The following ANO2 variants were observed in gnomAD, a reference collection of about 807,000 sequenced individuals.
ANO2 encodes anoctamin-2.
ANO2 carries 101 observed loss-of-function variants against 124.2 expected under a neutral mutation model. The ratio of observed to expected loss-of-function variants is 0.81; its 90% confidence interval spans 0.69 to 0.96. ANO2 has a LOEUF of 0.96. ANO2 is among the 40% of genes least tolerant of loss of function. ANO2 has a pLI of 0.00. For missense variants in ANO2, 1,293 were observed against 1,274.5 expected (o/e 1.01, Z -0.22); for synonymous variants, 486 against 482.5 (o/e 1.01, Z -0.09).
chr12:5,920,491 C>A (rs2136301834), intron 3 of ANO2, among the ~76,000 whole-genome samples: 1 of 152,286 alleles, frequency 6.6e-6, no homozygotes, highest in African/African-American at 2.4e-5. Context: ...CACACCACCA[C>A]CCCACCACTA....
At chr12:5,674,054 C>A (rs1432136333) in intron 14 of ANO2, among the ~76,000 whole-genome samples, 1 of 152,184 alleles carries the variant, frequency 6.6e-6, no homozygotes, top group Non-Finnish European at 1.5e-5. Context: ...AGTTCCTCTG[C>A]TCTAACATCA....
At chr12:5,884,639 G>C (rs745775475) in intron 3 of ANO2, among the ~76,000 whole-genome samples, 1 of 152,242 alleles carries the variant, frequency 6.6e-6, no homozygotes, top group African/African-American at 2.4e-5. Context: ...GCCTTGGGAA[G>C]ATGGTTCCAC....
chr12:5,750,797 C>A (rs1392707635), intron 11 of ANO2, 39 bp downstream of exon 11: 1 of 1,593,576 alleles, frequency 6.3e-7, no homozygotes, highest in Admixed American at 1.8e-5. Context: ...AAATTATTAA[C>A]ATATGGCAAC....
chr12:5,855,526 C>A (rs893572231), intron 3 of ANO2, among the ~76,000 whole-genome samples: 1 of 152,162 alleles, frequency 6.6e-6, no homozygotes, highest in African/African-American at 2.4e-5. Flanking sequence ...GAATAAACCA[C>A]GATTTCAAAA....
At chr12:5,703,828 T>C (rs1949498057) in intron 14 of ANO2, among the ~76,000 whole-genome samples, 1 of 152,220 alleles carries the variant, frequency 6.6e-6, no homozygotes, top group African/African-American at 2.4e-5. Context: ...ATTACAGGTG[T>C]GAGCCACCGT....
chr12:5,635,272 T>C lies in ANO2; in HGVS notation c.1696A>G (p.Lys566Glu). The change falls in exon 16 of 25, where the codon AAG (lysine) becomes GAG (glutamate). Residue 566 changes from lysine to glutamate, a missense_variant. By Grantham distance (56) the Lys-to-Glu change is moderately conservative. Coordinates refer to ENST00000682330, the MANE Select transcript of ANO2 (RefSeq NM_001364791.2). The surrounding 1 kb of genome is among the most constrained non-coding windows in gnomAD (Gnocchi z 5.2). The stretch of plus-strand genomic sequence containing the variant: ...ACCCGGACATTGGAGCGTGTAGCCT[T>C]ATTGAGAGACAGAGCGGCTGCAGTT... ...ITTAAALSLN[K>E]ATRSNVRVTV... is the part of the protein sequence containing the mutation. The C allele has an allele frequency of 6.2e-7, 1 of 1,611,918 alleles. No individual in the cohort carries two copies. The highest frequency in any genetic ancestry group is 1.1e-5 in the South Asian group (1 of 90,704).
At chr12:5,892,969 T>C (rs1205798126) in intron 3 of ANO2, among the ~76,000 whole-genome samples, 1 of 152,126 alleles carries the variant, frequency 6.6e-6, no homozygotes, top group African/African-American at 2.4e-5. Flanking sequence ...CTATAATACA[T>C]AAGACAAATA....
intron 1 of ANO2, among the ~76,000 whole-genome samples, chr12:5,941,972 G>C (rs1199687028): frequency 6.6e-6 from 1 of 152,202 alleles, no homozygotes; most frequent in Non-Finnish European, 1.5e-5. Flanking sequence ...CACAAGTTGA[G>C]AGAATGTCAC....
chr12:5,804,976 G>A (rs1300202609), intron 9 of ANO2, among the ~76,000 whole-genome samples: 1 of 152,126 alleles, frequency 6.6e-6, no homozygotes, highest in Non-Finnish European at 1.5e-5. Context: ...GAGGTGAGAT[G>A]TGGTGAGACA....
intron 23 of ANO2, among the ~76,000 whole-genome samples, chr12:5,568,694 C>T (rs1316097413): frequency 6.6e-6 from 1 of 152,128 alleles, no homozygotes; most frequent in Non-Finnish European, 1.5e-5. Flanking sequence ...GGCTAATCAA[C>T]CGAATAATTT....
intron 23 of ANO2, 90 bp from the exon 24 acceptor site, chr12:5,565,753 G>A: frequency 9.4e-7 from 1 of 1,059,880 alleles, no homozygotes; most frequent in Non-Finnish European, 1.4e-6. Context: ...GCTGGCTGGA[G>A]CATCAGGCAC....
intron 19 of ANO2, among the ~76,000 whole-genome samples, chr12:5,603,944 CA>C (rs63415160): frequency 4.7e-4 from 35 of 74,144 alleles, no homozygotes; most frequent in African/African-American, 1.4e-3. Context: ...GATTCCGTCT[CA>C]AAAAAAAAAA....
intron 3 of ANO2, among the ~76,000 whole-genome samples, chr12:5,861,942 C>T (rs764147196): frequency 1.4e-4 from 22 of 152,132 alleles, no homozygotes; most frequent in Non-Finnish European, 2.5e-4. Context: ...GAAATAAGAG[C>T]AGGAATTCAT....
chr12:5,651,968 T>C (rs1281819292), intron 14 of ANO2, among the ~76,000 whole-genome samples: 1 of 152,264 alleles, frequency 6.6e-6, no homozygotes, highest in Middle Eastern at 3.2e-3. Context: ...ACTGTGTGGA[T>C]GTACCACAGT....
intron 10 of ANO2, among the ~76,000 whole-genome samples, chr12:5,772,745 T>C (rs1385028606): frequency 6.6e-6 from 1 of 152,252 alleles, no homozygotes; most frequent in Non-Finnish European, 1.5e-5. Flanking sequence ...TAAAAGACTG[T>C]ATGCAAGTGA....
rs368275634 is a variant in ANO2 at position 5,816,672 on chromosome 12, G to A, written c.893-9304C>T. Among the ~76,000 whole-genome samples the A allele has an allele frequency of 2.0e-4, 31 of 152,236 alleles. 1 individual carries two copies. In the East Asian group the frequency reaches 2.5e-3, roughly 12 times the overall value. ...ATCCTCTTTGTGCCCATCTGTAATT[G>A]GAGATGATCACTCCTGACATACGTA... is the stretch of plus-strand genomic sequence containing the variant. On this transcript the variant is annotated intron_variant, in intron 7 of 24. Transcript: ENST00000682330.
intron 3 of ANO2, among the ~76,000 whole-genome samples, chr12:5,869,995 A>G (rs1171318572): frequency 1.3e-5 from 2 of 152,190 alleles, no homozygotes; most frequent in African/African-American, 4.8e-5. Flanking sequence ...TCCCCACACC[A>G]TCAGCCCAAG....
rs116874789 is a variant in ANO2, at chr12:5,925,234, T to C, written c.23-2430A>G. On this transcript the variant is annotated intron_variant, in intron 1 of 24. Transcript: ENST00000682330. The surrounding 1 kb of genome is among the most constrained non-coding windows in gnomAD (Gnocchi z 4.6). ...ATTTGCACCTGTGGCTCAGAGTAGC[T>C]CAGATTCAAGGGCAATGCAAAGCTT... is the stretch of plus-strand genomic sequence containing the variant. 0.044 allele frequency among the ~76,000 whole-genome samples: 6,660 copies of C among 152,242 alleles called. 207 individuals carry two copies. Among genetic ancestry groups the C allele is most frequent in the Non-Finnish European group, 0.068 (4,606 of 67,998 alleles).
intron 12 of ANO2, 21 bp from the exon 13 acceptor site, chr12:5,739,420 CA>C (rs763931423): frequency 6.4e-7 from 1 of 1,571,754 alleles, no homozygotes. Flanking sequence ...ACAACAAGAA[CA>C]AAAACCTTGA....
Sources: allele counts gnomAD v4.1 joint callset (sites outside exome capture counted in the v4.1 genomes callset), GRCh38; gene constraint gnomAD v4.1.1; non-coding constraint Gnocchi (gnomAD v3.1); transcripts MANE v1.5; gene names NCBI Gene and HGNC (gene_info 2026-07-23, HGNC 2026-07-21).